HSD17B12: variants seen among roughly 807,000 people sequenced by gnomAD.
HSD17B12 encodes the protein very-long-chain 3-oxoacyl-CoA reductase.
A neutral mutation model predicts 39.3 loss-of-function variants in HSD17B12; 32 were observed. The ratio of observed to expected loss-of-function variants is 0.81; its 90% confidence interval spans 0.61 to 1.09. The LOEUF (loss-of-function observed/expected upper bound fraction) is 1.09. HSD17B12 is among the 50% of genes least tolerant of loss of function. The probability of loss-of-function intolerance (pLI) is 0.00; values close to 1 mark genes in which losing one functional copy is unlikely to be tolerated. For synonymous variants in HSD17B12, 150 were observed against 146.7 expected, an observed-to-expected ratio of 1.02 and a Z score of -0.16; for missense variants, 342 against 382.9, an observed-to-expected ratio of 0.89 and a Z score of 0.89.
the HSD17B12 span, among the ~76,000 whole-genome samples, chr11:43,580,813 T>A: frequency 6.6e-6 from 1 of 151,916 alleles, no homozygotes; most frequent in Non-Finnish European, 1.5e-5. Flanking sequence ...CTCCCCCTTC[T>A]GAAAAAAAAG....
At chr11:43,693,215 C>T (rs188303231) in intron 1 of HSD17B12, among the ~76,000 whole-genome samples, 18 of 152,272 alleles carry the variant, frequency 1.2e-4, no homozygotes, top group East Asian at 5.8e-4. Flanking sequence ...TTAAAAGCAA[C>T]GATAGGAGCG....
At chr11:43,668,880 A>T in the HSD17B12 span, among the ~76,000 whole-genome samples, 1 of 151,766 alleles carries the variant, frequency 6.6e-6, no homozygotes, top group Admixed American at 6.6e-5. Flanking sequence ...TTTTTTAGAG[A>T]TGGAGTCTAG....
chr11:43,783,826 T>G (rs1950790430), intron 3 of HSD17B12, among the ~76,000 whole-genome samples: 1 of 152,140 alleles, frequency 6.6e-6, no homozygotes, highest in Admixed American at 6.6e-5. Flanking sequence ...ACTGAGAAAC[T>G]TAAAAAATAA....
intron 1 of HSD17B12, among the ~76,000 whole-genome samples, chr11:43,682,526 A>G (rs1949757813): frequency 7.5e-6 from 1 of 134,190 alleles, no homozygotes; most frequent in Non-Finnish European, 1.5e-5. Flanking sequence ...AGCCTGGGTG[A>G]CAGAGCGAGA....
intron 6 of HSD17B12, among the ~76,000 whole-genome samples, chr11:43,824,938 C>T (rs1951218997): frequency 6.6e-6 from 1 of 152,070 alleles, no homozygotes; most frequent in South Asian, 2.1e-4. Context: ...TGAGACCAGC[C>T]TGGCCAACAT....
At chr11:43,564,355 T>A in the HSD17B12 span, among the ~76,000 whole-genome samples, 3 of 152,336 alleles carry the variant, frequency 2.0e-5, no homozygotes, top group South Asian at 6.2e-4. Flanking sequence ...TGCTTCTACA[T>A]ACTTCTCTAT....
chr11:43,738,385 C>A (rs115059366), intron 1 of HSD17B12, among the ~76,000 whole-genome samples: 6 of 151,982 alleles, frequency 3.9e-5, no homozygotes, highest in Admixed American at 2.6e-4. Flanking sequence ...ACCCCCACCC[C>A]CTCCAACAGG....
intron 6 of HSD17B12, among the ~76,000 whole-genome samples, chr11:43,817,878 A>G (rs1220116733): frequency 6.6e-6 from 1 of 151,960 alleles, no homozygotes; most frequent in African/African-American, 2.4e-5. Flanking sequence ...TAGTTCTGTG[A>G]AGAATGGCGG....
chr11:43,662,869 G>T, the HSD17B12 span, among the ~76,000 whole-genome samples: 2 of 152,082 alleles, frequency 1.3e-5, no homozygotes, highest in Non-Finnish European at 2.9e-5. Context: ...ATGTAGTAAA[G>T]GTCCTGTGAA....
chr11:43,818,063 G>A (rs1951146965), intron 6 of HSD17B12, among the ~76,000 whole-genome samples: 1 of 151,896 alleles, frequency 6.6e-6, no homozygotes, highest in Non-Finnish European at 1.5e-5. Context: ...TGTTTATTAA[G>A]TGCCTTCTAT....
At chr11:43,738,575 T>G (rs1590707686) in intron 1 of HSD17B12, among the ~76,000 whole-genome samples, 1 of 152,218 alleles carries the variant, frequency 6.6e-6, no homozygotes, top group South Asian at 2.1e-4. Context: ...AGGGGTTGTG[T>G]AATTATTTCT....
At chr11:43,711,080 A>T (rs1045932918) in intron 1 of HSD17B12, among the ~76,000 whole-genome samples, 3 of 152,212 alleles carry the variant, frequency 2.0e-5, no homozygotes, top group Non-Finnish European at 4.4e-5. Context: ...GGCATGAGCC[A>T]CCGTACCTGG....
the HSD17B12 span, among the ~76,000 whole-genome samples, chr11:43,587,351 G>A: frequency 1.3e-5 from 2 of 151,876 alleles, no homozygotes; most frequent in Non-Finnish European, 2.9e-5. Flanking sequence ...TACAATTTCA[G>A]GGAGCTCAGG....
At chr11:43,605,391 G>T in the HSD17B12 span, among the ~76,000 whole-genome samples, 1 of 151,846 alleles carries the variant, frequency 6.6e-6, no homozygotes, top group East Asian at 1.9e-4. Context: ...GAGAAACCCC[G>T]TCTCTACTAA....
At chr11:43,593,808 AG>A in the HSD17B12 span, among the ~76,000 whole-genome samples, 19 of 152,154 alleles carry the variant, frequency 1.2e-4, no homozygotes, top group African/African-American at 4.1e-4. Context: ...GAAAAAGGAA[AG>A]AAAAAATCTG....
chr11:43,565,814 AT>A, the HSD17B12 span, among the ~76,000 whole-genome samples: 1 of 152,172 alleles, frequency 6.6e-6, no homozygotes, highest in African/African-American at 2.4e-5. Flanking sequence ...CCTAGAAGTA[AT>A]TTTTTCCTCC....
the HSD17B12 span, among the ~76,000 whole-genome samples, chr11:43,620,478 T>C: frequency 1.3e-5 from 2 of 152,208 alleles, no homozygotes; most frequent in Non-Finnish European, 2.9e-5. Context: ...ACAGTAATGT[T>C]TGCAAAAGCT....
the HSD17B12 span, among the ~76,000 whole-genome samples, chr11:43,625,983 T>A: frequency 6.6e-6 from 1 of 151,614 alleles, no homozygotes; most frequent in African/African-American, 2.4e-5. Context: ...TTCTTGATAT[T>A]TGAAATACTA....
At chr11:43,620,924 T>C in the HSD17B12 span, among the ~76,000 whole-genome samples, 2 of 152,310 alleles carry the variant, frequency 1.3e-5, no homozygotes, top group East Asian at 1.9e-4. Flanking sequence ...TGTTCACTTG[T>C]AGGGTATAAG....
Sources: gnomAD v4.1 joint callset for allele counts (sites outside exome capture counted in the v4.1 genomes callset) on GRCh38, gnomAD v4.1.1 for gene constraint, MANE v1.5 for transcripts, NCBI Gene and HGNC (gene_info 2026-07-23, HGNC 2026-07-21) for gene names.